GLYR1: variants seen among roughly 807,000 people sequenced by gnomAD.
GLYR1 encodes the protein cytokine-like nuclear factor N-PAC.
In GLYR1, 21 loss-of-function variants were observed where a neutral mutation model predicts 72.7. The ratio of observed to expected loss-of-function variants is 0.29; its 90% CI spans 0.20 to 0.42. The LOEUF (loss-of-function observed/expected upper bound fraction) is 0.42. Ranked by LOEUF, GLYR1 falls within the 10% of genes least tolerant of loss-of-function variation. The pLI, the probability that GLYR1 is intolerant of heterozygous loss-of-function variation, is 1.00. For missense variants in GLYR1, 594 were observed against 712.1 expected (o/e 0.83, Z 1.89); for synonymous variants, 392 against 270.2 (o/e 1.45, Z -4.42).
intron 9 of GLYR1, among the ~76,000 whole-genome samples, chr16:4,819,945 G>A (rs1199399803): frequency 6.6e-6 from 1 of 152,114 alleles, no homozygotes; most frequent in Non-Finnish European, 1.5e-5. Context: ...ATCATGACAG[G>A]CGAATTCCCT....
intron 8 of GLYR1, 32 bp from the exon 9 acceptor site, chr16:4,821,485 G>A: frequency 6.2e-7 from 1 of 1,614,052 alleles, no homozygotes; most frequent in South Asian, 1.1e-5. Flanking sequence ...CATCAAGTCA[G>A]TCTGCCTGCA....
Position 4,804,972 on chromosome 16 carries a change from AAC to A in GLYR1, c.*262_*263del. The stretch of plus-strand genomic sequence containing the variant: ...GTGTGTGTGTGTGTGTGTGTGTGTG[AAC>A]ACACAGCCACCTCGTCCGGGGGGCC... On this transcript the variant is annotated 3_prime_UTR_variant, in exon 16 of 16. Coordinates refer to ENST00000321919, the MANE Select transcript of GLYR1 (RefSeq NM_032569.4). 2.2e-6 allele frequency: 1 copy of A among 444,780 alleles called. No homozygotes were observed. The highest frequency in any genetic ancestry group is 4.1e-6 in the Non-Finnish European group (1 of 241,456). 27.6% of individuals were successfully genotyped at this position (444,780 alleles called of 1,614,324 possible). A position where few individuals can be genotyped will look rare whatever the true frequency, so the allele number is the denominator to read the frequency against.
At chr16:4,826,211 C>T (rs1232334697) in intron 5 of GLYR1, among the ~76,000 whole-genome samples, 1 of 152,140 alleles carries the variant, frequency 6.6e-6, no homozygotes, top group Non-Finnish European at 1.5e-5. Context: ...CTACGCCCAG[C>T]TAATTTTTTA....
In GLYR1 at chr16:4,811,807, C is replaced by T; in HGVS notation, c.1283-5G>A. 1.2e-6 allele frequency: 2 copies of T among 1,611,440 alleles called. No individual in the cohort carries two copies. Among genetic ancestry groups the T allele is most frequent in the South Asian group, 1.1e-5 (1 of 90,742 alleles). ...TGGCTGCATTGCCCACTTCACCTGC[C>T]CAGGGTAAAGACTCACGGTCACAGC... On this transcript the variant is annotated splice_polypyrimidine_tract_variant and splice_region_variant and intron_variant, in intron 13 of 15. Transcript: ENST00000321919.
chr16:4,825,560 G>C (rs1319537412), intron 5 of GLYR1, among the ~76,000 whole-genome samples: 1 of 152,094 alleles, frequency 6.6e-6, no homozygotes, highest in Non-Finnish European at 1.5e-5. Flanking sequence ...GCCTTCATAG[G>C]GCTTACTATG....
chr16:4,828,672 A>G (rs376041739), intron 5 of GLYR1, among the ~76,000 whole-genome samples: 5 of 152,066 alleles, frequency 3.3e-5, no homozygotes, highest in South Asian at 2.1e-4. Flanking sequence ...AGAACTGATC[A>G]AATGCCTTGT....
intron 5 of GLYR1, among the ~76,000 whole-genome samples, chr16:4,829,451 G>A (rs188873918): frequency 2.6e-5 from 4 of 151,894 alleles, no homozygotes; most frequent in East Asian, 1.9e-4. Flanking sequence ...GACTACAGGT[G>A]TGTACCACTA....
chr16:4,831,830 G>A (rs1567763071), intron 5 of GLYR1, 149 bp downstream of exon 5: 10 of 1,166,522 alleles, frequency 8.6e-6, no homozygotes, highest in Non-Finnish European at 1.1e-5. Flanking sequence ...CACCGCACCT[G>A]CCCTGCAGGA....
At chr16:4,816,100 C>T (rs539916297) in intron 10 of GLYR1, among the ~76,000 whole-genome samples, 1 of 152,194 alleles carries the variant, frequency 6.6e-6, no homozygotes, top group South Asian at 2.1e-4. Flanking sequence ...CTCCTGATTA[C>T]CGAATATTTT....
At position 4,846,227 on chromosome 16, in the gene GLYR1, G is replaced by C. The variant is rs113832389; in HGVS notation, c.39-17C>G. ...AGTTTCCCCCTAGAGAAAACACAAA[G>C]AGTCAACACTTGCCCTGCAAAAGCC... On this transcript the variant is annotated splice_polypyrimidine_tract_variant and intron_variant, in intron 1 of 15. Coordinates refer to ENST00000321919, the MANE Select transcript of GLYR1 (RefSeq NM_032569.4). The C allele has an allele frequency of 1.3e-3, 2,172 of 1,613,622 alleles. 35 individuals carry two copies. The African/African-American group carries it at 0.025, about 19-fold the overall frequency.
At chr16:4,830,223 T>TC (rs1386881433) in intron 5 of GLYR1, among the ~76,000 whole-genome samples, 2 of 134,418 alleles carry the variant, frequency 1.5e-5, no homozygotes, top group Non-Finnish European at 3.1e-5. Flanking sequence ...AACTTTGTCT[T>TC]TTTTTTTTTT....
intron 3 of GLYR1, among the ~76,000 whole-genome samples, chr16:4,838,585 ACTTTT>A (rs1330692544): frequency 6.9e-6 from 1 of 144,336 alleles, no homozygotes; most frequent in Non-Finnish European, 1.5e-5. Context: ...CACTGATGAA[ACTTTT>A]CTTTTTTTTT....
At chr16:4,826,965 G>C (rs925431002) in intron 5 of GLYR1, among the ~76,000 whole-genome samples, 77 of 152,222 alleles carry the variant, frequency 5.1e-4, no homozygotes, top group Admixed American at 5.0e-3. Context: ...CCTCGTGTGA[G>C]TATGGGATTT....
At chr16:4,813,950 T>C (rs1225305756) in intron 11 of GLYR1, 112 bp from the exon 12 acceptor site, 1 of 741,224 alleles carries the variant, frequency 1.3e-6, no homozygotes, top group Non-Finnish European at 2.1e-6. Flanking sequence ...TCCTGATTTC[T>C]ATCAGCTGAA....
At chr16:4,805,417 C>A in intron 15 of GLYR1, 107 bp from the exon 16 acceptor site, 2 of 890,196 alleles carry the variant, frequency 2.2e-6, no homozygotes, top group Non-Finnish European at 3.7e-6. Flanking sequence ...AGTGCTGGAG[C>A]CCAGGCTGTC....
intron 3 of GLYR1, among the ~76,000 whole-genome samples, chr16:4,844,803 CAT>C (rs768186036): frequency 1.2e-4 from 18 of 152,286 alleles, no homozygotes; most frequent in African/African-American, 3.8e-4. Context: ...GGTAAAGAAA[CAT>C]GTGAGAAACT....
At position 4,824,178 on chromosome 16, in the gene GLYR1, A is replaced by G. The variant is rs147243667; in HGVS notation, c.538-271T>C. On this transcript the variant is annotated intron_variant, in intron 5 of 15. Transcript: ENST00000321919. ...GTACGATCTGCAGTACTGTCTGCAA[A>G]GTTTCAGAGTAAATGCCTTATGGTG... Among the ~76,000 whole-genome samples the G allele has an allele frequency of 7.5e-3, 1,147 of 152,334 alleles. 11 individuals carry two copies. Among genetic ancestry groups the G allele is most frequent in the African/African-American group, 0.026 (1,096 of 41,558 alleles).
In GLYR1 at chr16:4,823,347, C is replaced by A. The variant is rs192084355; in HGVS notation, c.625-416G>T. 2.0e-3 allele frequency among the ~76,000 whole-genome samples: 300 copies of A among 152,366 alleles called. 1 individual carries two copies. Among genetic ancestry groups the A allele is most frequent in the Non-Finnish European group, 3.4e-3 (230 of 68,036 alleles). On this transcript the variant is annotated intron_variant, in intron 6 of 15. Coordinates refer to ENST00000321919, the MANE Select transcript of GLYR1 (RefSeq NM_032569.4). ...CCAAGCCCTTGGCGATCTCATCTTA[C>A]TGAGCATATTAACAGAAACAGAGTA... is the stretch of plus-strand genomic sequence containing the variant.
chr16:4,826,472 C>T (rs1214599317), intron 5 of GLYR1, among the ~76,000 whole-genome samples: 1 of 152,170 alleles, frequency 6.6e-6, no homozygotes, highest in South Asian at 2.1e-4. Context: ...AAGAACTCTG[C>T]CAGTCTGGCC....
Sources: gnomAD v4.1 joint callset for allele counts (sites outside exome capture counted in the v4.1 genomes callset) on GRCh38, gnomAD v4.1.1 for gene constraint, MANE v1.5 for transcripts, NCBI Gene and HGNC (gene_info 2026-07-23, HGNC 2026-07-21) for gene names.